BET1: variants seen among roughly 807,000 people sequenced by gnomAD.
BET1 encodes BET1 homolog.
Under a neutral mutation model 13.9 loss-of-function variants are expected in BET1, and 9 were observed. That is an observed-to-expected ratio of 0.65 (90% CI 0.39 to 1.13). The LOEUF (loss-of-function observed/expected upper bound fraction) is 1.13, where lower values mean the gene tolerates loss of function less well. Ranked by LOEUF, BET1 falls within the 50% of genes most tolerant of loss-of-function variation. The pLI, the probability that BET1 is intolerant of heterozygous loss-of-function variation, is 0.01. For synonymous variants in BET1, 39 were observed against 47.3 expected (o/e 0.82, Z 0.72); for missense variants, 127 against 133.6 (o/e 0.95, Z 0.24).
At position 93,973,581 on chromosome 7, in the gene BET1, A is replaced by G. The variant is rs142984272; in HGVS notation, c.*49-918T>C. On this transcript the variant is annotated intron_variant and NMD_transcript_variant, in intron 5 of 6. Transcript: ENST00000357520. ...AAAGAACTCAGAAAAAAAAATGTGTATGCATACAAACCATACATTTTAAAA... is the reference window on the plus strand; with the variant it reads ...AAAGAACTCAGAAAAAAAAATGTGTGTGCATACAAACCATACATTTTAAAA... 5.3e-4 allele frequency among the ~76,000 whole-genome samples: 80 copies of G among 152,104 alleles called. 1 individual carries two copies. The East Asian group carries it at 9.7e-3, about 18-fold the overall frequency.
At position 93,993,519 on chromosome 7, in the gene BET1, G is replaced by T; in HGVS notation, c.*711C>A. 1.0e-6 allele frequency: 1 copy of T among 995,700 alleles called. No individual in the cohort carries two copies. The highest frequency in any genetic ancestry group is 1.2e-6 in the Non-Finnish European group (1 of 833,152). The allele number at this position is 995,700 out of a possible 1,614,324, so 61.7% of individuals were successfully genotyped here. On this transcript the variant is annotated 3_prime_UTR_variant, in exon 4 of 4. Transcript: ENST00000222547. ...CACAAATGATAAATGTGCTACCTATGTAGTAAAAATCATAAAACTATTATA... is the reference window on the plus strand; with the variant it reads ...CACAAATGATAAATGTGCTACCTATTTAGTAAAAATCATAAAACTATTATA...
intron 4 of BET1, among the ~76,000 whole-genome samples, chr7:93,979,648 C>T (rs540357655): frequency 6.6e-5 from 10 of 150,410 alleles, no homozygotes; most frequent in Non-Finnish European, 9.0e-5. Flanking sequence ...TAAGAAAATT[C>T]GACTCTCTTT....
downstream of BET1, among the ~76,000 whole-genome samples, chr7:93,989,077 G>A (rs1186397135): frequency 4.6e-5 from 7 of 151,022 alleles, no homozygotes; most frequent in African/African-American, 7.3e-5. Flanking sequence ...GCAGTGGTGC[G>A]ATCTCGGCTC....
chr7:94,004,314 G>A lies in BET1; in HGVS notation c.-98C>T, dbSNP rs560371720. The A allele has an allele frequency of 1.7e-5, 26 of 1,516,606 alleles. No homozygotes were observed. In the Admixed American group the frequency reaches 3.0e-4, roughly 18 times the overall value. The allele number at this position is 1,516,606 out of a possible 1,614,324, so 93.9% of individuals were successfully genotyped here. A position where few individuals can be genotyped will look rare whatever the true frequency, so the allele number is the denominator to read the frequency against. ...ACCGCGTCTTCAGTACCAGGGCCCA[G>A]CGAAACACCAACTTCTTCCCCTAAA... On this transcript the variant is annotated 5_prime_UTR_variant, in exon 1 of 4. Coordinates refer to ENST00000222547, the MANE Select transcript of BET1 (RefSeq NM_005868.6).
chr7:93,994,013 T>C lies in BET1; in HGVS notation c.*217A>G. ...AATTAGTGGAGCCACACCCTCTCACTACCCCTGAAAATAGGGGCTAAAATG... is the reference window on the plus strand; with the variant it reads ...AATTAGTGGAGCCACACCCTCTCACCACCCCTGAAAATAGGGGCTAAAATG... On this transcript the variant is annotated 3_prime_UTR_variant, in exon 4 of 4. Coordinates refer to ENST00000222547, the MANE Select transcript of BET1 (RefSeq NM_005868.6). 6.6e-7 allele frequency: 1 copy of C among 1,508,444 alleles called. No individual in the cohort carries two copies. The highest frequency in any genetic ancestry group is 8.8e-7 in the Non-Finnish European group (1 of 1,134,954). 93.4% of individuals were successfully genotyped at this position (1,508,444 alleles called of 1,614,324 possible).
At chr7:93,998,848 G>A (rs558268658) in intron 2 of BET1, among the ~76,000 whole-genome samples, 1 of 138,232 alleles carries the variant, frequency 7.2e-6, no homozygotes, top group Non-Finnish European at 1.7e-5. Context: ...AGCTTAGAAG[G>A]CTAGATTAAA....
chr7:93,986,363 C>T (rs997253055), intron 4 of BET1, among the ~76,000 whole-genome samples: 15 of 152,248 alleles, frequency 9.9e-5, no homozygotes, highest in African/African-American at 3.6e-4. Context: ...ACTTGCCTTT[C>T]ACAAATGAGA....
intron 1 of BET1, among the ~76,000 whole-genome samples, chr7:93,999,986 A>G (rs758379573): frequency 1.4e-4 from 22 of 152,140 alleles, no homozygotes; most frequent in Non-Finnish European, 2.9e-4. Context: ...CCTGCCTAAT[A>G]TAGTACTTCA....
intron 6 of BET1, among the ~76,000 whole-genome samples, chr7:93,968,814 C>T (rs1795215973): frequency 6.6e-6 from 1 of 151,782 alleles, no homozygotes; most frequent in Admixed American, 6.6e-5. Context: ...CACATACACA[C>T]ATATATACAA....
downstream of BET1, among the ~76,000 whole-genome samples, chr7:93,988,388 T>C (rs1414630289): frequency 1.3e-5 from 2 of 152,172 alleles, no homozygotes; most frequent in Non-Finnish European, 1.5e-5. Context: ...AATTCCTCAC[T>C]GGTGAAGAAA....
chr7:93,971,813 A>T (rs984780806), intron 6 of BET1, among the ~76,000 whole-genome samples: 4 of 151,790 alleles, frequency 2.6e-5, no homozygotes, highest in African/African-American at 9.7e-5. Context: ...AGATTTAACT[A>T]AGAAAGTTTA....
downstream of BET1, chr7:93,992,916 T>C (rs551327734): frequency 1.0e-6 from 1 of 985,412 alleles, no homozygotes; most frequent in Non-Finnish European, 1.2e-6. Context: ...TTTAAGTCCC[T>C]TAACCACACT....
chr7:93,998,466 A>T (rs1288198534), intron 2 of BET1, among the ~76,000 whole-genome samples: 2 of 152,088 alleles, frequency 1.3e-5, no homozygotes, highest in Non-Finnish European at 2.9e-5. Context: ...TGGGAGGCCA[A>T]GGCGGGCGGA....
At chr7:93,999,051 A>C (rs895099796) in intron 2 of BET1, 119 bp downstream of exon 2, 3 of 815,190 alleles carry the variant, frequency 3.7e-6, no homozygotes, top group Non-Finnish European at 5.0e-6. Flanking sequence ...GACCTCACAA[A>C]ACCACAGTAT....
At chr7:93,990,702 G>A (rs1795616145), downstream of BET1, among the ~76,000 whole-genome samples, 1 of 151,944 alleles carries the variant, frequency 6.6e-6, no homozygotes, top group Admixed American at 6.6e-5. Flanking sequence ...TTTTCTAAAT[G>A]TCATAAAGAC....
intron 4 of BET1, among the ~76,000 whole-genome samples, chr7:93,985,383 T>A (rs1466860505): frequency 6.6e-6 from 1 of 152,200 alleles, no homozygotes; most frequent in South Asian, 2.1e-4. Context: ...CTATTACTAA[T>A]ACTCACCTTA....
intron 4 of BET1, among the ~76,000 whole-genome samples, chr7:93,986,132 T>C (rs761512123): frequency 7.9e-4 from 120 of 152,344 alleles, no homozygotes; most frequent in Middle Eastern, 3.4e-3. Context: ...TTATTCGACC[T>C]ATGTGCATCC....
intron 1 of BET1, among the ~76,000 whole-genome samples, chr7:94,000,616 A>G (rs1795880731): frequency 6.6e-6 from 1 of 152,144 alleles, no homozygotes; most frequent in South Asian, 2.1e-4. Context: ...TTTCTGCAGA[A>G]GAGTTCATCG....
intron 4 of BET1, among the ~76,000 whole-genome samples, chr7:93,980,397 A>G (rs1795406958): frequency 6.6e-6 from 1 of 152,156 alleles, no homozygotes; most frequent in Non-Finnish European, 1.5e-5. Context: ...CCAAAAACCT[A>G]GCAAATTAAA....
Sources: gnomAD v4.1 joint callset for allele counts (sites outside exome capture counted in the v4.1 genomes callset) on GRCh38, gnomAD v4.1.1 for gene constraint, MANE v1.5 for transcripts, NCBI Gene and HGNC (gene_info 2026-07-23, HGNC 2026-07-21) for gene names.